The following NXPE2 variants were observed in gnomAD, a reference collection of about 807,000 sequenced individuals.
The protein encoded by NXPE2 is NXPE family member 2.
NXPE2 carries 34 observed loss-of-function variants against 34.4 expected under a neutral mutation model. The ratio of observed to expected loss-of-function variants is 0.99; its 90% CI spans 0.75 to 1.31. NXPE2 has a LOEUF of 1.31. Among genes scored for constraint, NXPE2 ranks in the 40% most tolerant of loss-of-function variants. The pLI is 0.00. For synonymous variants in NXPE2, 235 were observed against 231.3 expected (o/e 1.02, Z -0.15); for missense variants, 649 against 672.5 (o/e 0.97, Z 0.39).
the NXPE2 span, among the ~76,000 whole-genome samples, chr11:114,611,795 G>C: frequency 1.3e-4 from 20 of 151,536 alleles, no homozygotes; most frequent in Admixed American, 1.3e-3. Context: ...GATAATAAGT[G>C]TTGCCTCTTG....
At chr11:114,572,763 A>C in the NXPE2 span, among the ~76,000 whole-genome samples, 3 of 152,182 alleles carry the variant, frequency 2.0e-5, no homozygotes, top group Non-Finnish European at 4.4e-5. Context: ...GGAAGAAGAG[A>C]AATTTAAAAG....
At chr11:114,532,486 G>C in the NXPE2 span, among the ~76,000 whole-genome samples, 1 of 152,114 alleles carries the variant, frequency 6.6e-6, no homozygotes, top group East Asian at 1.9e-4. Flanking sequence ...TAATCATCAT[G>C]ATGATAAACC....
chr11:114,685,413 T>C (rs1951028800), intron 2 of NXPE2, among the ~76,000 whole-genome samples: 1 of 152,144 alleles, frequency 6.6e-6, no homozygotes, highest in African/African-American at 2.4e-5. Context: ...AAAGGAGCTC[T>C]CTGGGGTCCT....
chr11:114,558,111 A>G, the NXPE2 span, among the ~76,000 whole-genome samples: 1 of 152,082 alleles, frequency 6.6e-6, no homozygotes, highest in East Asian at 1.9e-4. Context: ...TGCTCTCAAA[A>G]GGAGACTATA....
At chr11:114,632,053 A>G in the NXPE2 span, among the ~76,000 whole-genome samples, 1 of 142,626 alleles carries the variant, frequency 7.0e-6, no homozygotes, top group Non-Finnish European at 1.5e-5. Context: ...ATAATTTAAT[A>G]ATATGTAAGA....
chr11:114,642,606 T>C, the NXPE2 span, among the ~76,000 whole-genome samples: 1 of 152,120 alleles, frequency 6.6e-6, no homozygotes, highest in Non-Finnish European at 1.5e-5. Context: ...ATCCTTTTGA[T>C]GGCTGCATGG....
chr11:114,807,643 T>C, the NXPE2 span, among the ~76,000 whole-genome samples: 1 of 151,560 alleles, frequency 6.6e-6, no homozygotes, highest in Non-Finnish European at 1.5e-5. Context: ...AAGAGCTAAC[T>C]GTCCTAAATA....
At chr11:114,484,389 G>A in the NXPE2 span, among the ~76,000 whole-genome samples, 1 of 152,128 alleles carries the variant, frequency 6.6e-6, no homozygotes, top group African/African-American at 2.4e-5. Flanking sequence ...CTTGATGACT[G>A]CATGTGCTCT....
chr11:114,765,721 G>C, the NXPE2 span, among the ~76,000 whole-genome samples: 2 of 152,018 alleles, frequency 1.3e-5, no homozygotes, highest in Non-Finnish European at 2.9e-5. Context: ...CCTGATTTGG[G>C]GGGTTCTCCT....
the NXPE2 span, among the ~76,000 whole-genome samples, chr11:114,532,164 TTGG>T: frequency 6.6e-6 from 1 of 152,174 alleles, no homozygotes; most frequent in Non-Finnish European, 1.5e-5. Context: ...ACCCTTGTGA[TTGG>T]TAACAAACTG....
At chr11:114,804,394 G>A in the NXPE2 span, among the ~76,000 whole-genome samples, 2 of 152,288 alleles carry the variant, frequency 1.3e-5, no homozygotes, top group South Asian at 4.1e-4. Context: ...TATCTTTAAG[G>A]AACATGAAAT....
At chr11:114,778,371 G>C in the NXPE2 span, among the ~76,000 whole-genome samples, 1 of 152,206 alleles carries the variant, frequency 6.6e-6, no homozygotes. Flanking sequence ...TCCCAAGAAT[G>C]ACGAGACAGC....
At chr11:114,720,523 C>T in the NXPE2 span, among the ~76,000 whole-genome samples, 1 of 152,138 alleles carries the variant, frequency 6.6e-6, no homozygotes, top group African/African-American at 2.4e-5. Flanking sequence ...CTGCAGTGTC[C>T]AATTCAGTAG....
At chr11:114,613,311 T>C in the NXPE2 span, among the ~76,000 whole-genome samples, 17 of 151,674 alleles carry the variant, frequency 1.1e-4, no homozygotes, top group Non-Finnish European at 1.8e-4. Flanking sequence ...TACTGCCTCA[T>C]GGGTAACCAC....
chr11:114,759,324 G>A, the NXPE2 span, among the ~76,000 whole-genome samples: 1 of 152,198 alleles, frequency 6.6e-6, no homozygotes, highest in African/African-American at 2.4e-5. Context: ...TCTACTGTGA[G>A]CCCGTGGGGA....
the NXPE2 span, among the ~76,000 whole-genome samples, chr11:114,642,325 C>T: frequency 6.6e-6 from 1 of 152,020 alleles, no homozygotes; most frequent in African/African-American, 2.4e-5. Context: ...TAGTTCTCCA[C>T]ATGTGCAGAA....
the NXPE2 span, among the ~76,000 whole-genome samples, chr11:114,604,780 G>C: frequency 6.6e-6 from 1 of 152,042 alleles, no homozygotes; most frequent in Non-Finnish European, 1.5e-5. Context: ...TTACCCAGTG[G>C]ATAATAAGTG....
At chr11:114,699,817 C>T (rs1211072249) in intron 3 of NXPE2, among the ~76,000 whole-genome samples, 5 of 147,754 alleles carry the variant, frequency 3.4e-5, no homozygotes, top group South Asian at 2.1e-4. Context: ...TTTTTGAGAC[C>T]GAGTCTCGCT....
At chr11:114,629,493 A>C in the NXPE2 span, among the ~76,000 whole-genome samples, 17 of 151,404 alleles carry the variant, frequency 1.1e-4, no homozygotes, top group African/African-American at 2.7e-4. Flanking sequence ...AAAACTCTCA[A>C]TAAATTAGGT....
Sources: gnomAD v4.1 joint callset for allele counts (sites outside exome capture counted in the v4.1 genomes callset) on GRCh38, gnomAD v4.1.1 for gene constraint, MANE v1.5 for transcripts, NCBI Gene and HGNC (gene_info 2026-07-23, HGNC 2026-07-21) for gene names.